KALRN: variants seen among roughly 807,000 people sequenced by gnomAD.
KALRN encodes kalirin RhoGEF kinase, also known as kalirin.
In KALRN, 70 loss-of-function variants were observed where a neutral mutation model predicts 353.7. That is an observed-to-expected ratio of 0.20 (90% CI 0.16 to 0.24). The LOEUF (loss-of-function observed/expected upper bound fraction) is 0.24. Ranked by LOEUF, KALRN falls within the 10% of genes least tolerant of loss-of-function variation. The pLI is 1.00. For missense variants in KALRN, 2,791 were observed against 3,756.7 expected, an observed-to-expected ratio of 0.74 and a Z score of 6.72; for synonymous variants, 1,391 against 1,434.8, an observed-to-expected ratio of 0.97 and a Z score of 0.69.
chr3:124,360,624 T>A (rs1281494231), intron 10 of KALRN, among the ~76,000 whole-genome samples: 1 of 152,214 alleles, frequency 6.6e-6, no homozygotes, highest in Non-Finnish European at 1.5e-5. Context: ...GGAAAGCTAT[T>A]CCAGAGGAAA....
chr3:124,175,047 A>G (rs979208196), intron 1 of KALRN, among the ~76,000 whole-genome samples: 4 of 152,176 alleles, frequency 2.6e-5, no homozygotes, highest in African/African-American at 9.6e-5. Flanking sequence ...CTTGACTTCT[A>G]TTGTCATAAA....
At chr3:124,366,792 C>T (rs912450214) in intron 10 of KALRN, among the ~76,000 whole-genome samples, 1 of 151,606 alleles carries the variant, frequency 6.6e-6, no homozygotes, top group African/African-American at 2.4e-5. Flanking sequence ...CGGGCAGAGG[C>T]GCCCCTCACC....
intron 5 of KALRN, among the ~76,000 whole-genome samples, chr3:124,286,152 CCTTTCTTTCGT>C (rs1181268202): frequency 8.0e-6 from 1 of 124,718 alleles, no homozygotes; most frequent in African/African-American, 3.0e-5. Flanking sequence ...TTCTTTCTTT[CCTTTCTTTCGT>C]CTTTCTTTCT....
intron 34 of KALRN, among the ~76,000 whole-genome samples, chr3:124,621,983 T>C (rs56414162): frequency 0.24 from 36,120 of 152,242 alleles, 4,474 homozygotes; most frequent in Middle Eastern, 0.29. Context: ...AGATATTCAA[T>C]TTCCAGTGTG....
At chr3:124,035,466 C>G (rs551915537) in intron 1 of KALRN, among the ~76,000 whole-genome samples, 2 of 152,276 alleles carry the variant, frequency 1.3e-5, no homozygotes, top group South Asian at 4.1e-4. Flanking sequence ...ATTTTCTTAG[C>G]TCTGAGGGAA....
chr3:124,227,673 T>G (rs57581383), intron 1 of KALRN, among the ~76,000 whole-genome samples: 2,254 of 22,872 alleles, frequency 0.099, 16 homozygotes, highest in East Asian at 0.47. Context: ...GTTTTTTTTT[T>G]TTTTTTTTTT....
chr3:124,577,730 G>A (rs2074251997), intron 34 of KALRN, among the ~76,000 whole-genome samples: 1 of 152,098 alleles, frequency 6.6e-6, no homozygotes, highest in South Asian at 2.1e-4. Context: ...CTATAGGCAG[G>A]TGTGGTGATG....
chr3:124,127,285 A>G (rs1425265316), intron 1 of KALRN, among the ~76,000 whole-genome samples: 3 of 152,204 alleles, frequency 2.0e-5, no homozygotes, highest in African/African-American at 7.2e-5. Flanking sequence ...GCTCCAATTT[A>G]TTCTAAATAG....
chr3:124,723,636 C>T lies in KALRN; in HGVS notation c.*4166C>T, dbSNP rs2063384707. 1 of 152,156 alleles carries T rather than the reference C, an allele frequency of 6.6e-6. No homozygotes were observed. Among genetic ancestry groups the T allele is most frequent in the Non-Finnish European group, 1.5e-5 (1 of 68,022 alleles). 9.4% of individuals were successfully genotyped at this position (152,156 alleles called of 1,614,324 possible). A position where few individuals can be genotyped will look rare whatever the true frequency, so the allele number is the denominator to read the frequency against. ...GTAAATTGTTTTCAGTTGGAAGTAT[C>T]AGGTGCTCTTTGTCTAAATGTTATT... On this transcript the variant is annotated 3_prime_UTR_variant, in exon 60 of 60. Coordinates refer to ENST00000682506, the MANE Select transcript of KALRN (RefSeq NM_001388419.1).
intron 34 of KALRN, among the ~76,000 whole-genome samples, chr3:124,618,919 C>G (rs1361694002): frequency 6.6e-6 from 1 of 152,146 alleles, no homozygotes; most frequent in Non-Finnish European, 1.5e-5. Context: ...TTCTTGCTGG[C>G]CATCACTTGA....
At chr3:124,535,228 A>T (rs1340615959) in intron 33 of KALRN, among the ~76,000 whole-genome samples, 2 of 152,176 alleles carry the variant, frequency 1.3e-5, no homozygotes, top group Non-Finnish European at 2.9e-5. Flanking sequence ...TGAATATATT[A>T]AAATATATAA....
chr3:124,620,050 T>G (rs924118657), intron 34 of KALRN, among the ~76,000 whole-genome samples: 6 of 152,160 alleles, frequency 3.9e-5, no homozygotes, highest in Non-Finnish European at 8.8e-5. Context: ...AGTCTGAATT[T>G]GTAAAGTTTC....
At chr3:124,078,589 G>T (rs989574395) in intron 1 of KALRN, among the ~76,000 whole-genome samples, 2 of 152,024 alleles carry the variant, frequency 1.3e-5, no homozygotes, top group African/African-American at 4.8e-5. Flanking sequence ...ACACTGAGGA[G>T]GATATGGGAG....
At chr3:124,685,057 C>T (rs1272741893) in intron 51 of KALRN, among the ~76,000 whole-genome samples, 1 of 152,186 alleles carries the variant, frequency 6.6e-6, no homozygotes, top group African/African-American at 2.4e-5. Flanking sequence ...GACCAACCTC[C>T]TGGCATCCCC....
intron 33 of KALRN, among the ~76,000 whole-genome samples, chr3:124,522,900 G>C (rs1577702558): frequency 6.6e-6 from 1 of 152,316 alleles, no homozygotes. Context: ...ACAGGGGTAA[G>C]TTTCAGAAGC....
chr3:124,645,488 C>T (rs2082589395), intron 37 of KALRN, among the ~76,000 whole-genome samples: 1 of 152,116 alleles, frequency 6.6e-6, no homozygotes, highest in South Asian at 2.1e-4. Flanking sequence ...TTTAATACAT[C>T]TTGAGTTAAG....
intron 1 of KALRN, among the ~76,000 whole-genome samples, chr3:124,159,415 C>A (rs2069541430): frequency 6.6e-6 from 1 of 152,056 alleles, no homozygotes; most frequent in South Asian, 2.1e-4. Flanking sequence ...GGACTATAAG[C>A]ATGTGCCACC....
At chr3:124,496,454 G>C (rs753115719) in intron 33 of KALRN, 41 bp downstream of exon 33, 2 of 1,464,352 alleles carry the variant, frequency 1.4e-6, no homozygotes, top group East Asian at 4.5e-5. Context: ...GAGACTTCTT[G>C]ATGGCTCAAC....
At chr3:124,600,695 G>T (rs1351434309) in intron 34 of KALRN, among the ~76,000 whole-genome samples, 1 of 152,046 alleles carries the variant, frequency 6.6e-6, no homozygotes, top group Non-Finnish European at 1.5e-5. Flanking sequence ...GACATTTTTA[G>T]AGTGGCATCA....
Sources: allele counts gnomAD v4.1 joint callset (sites outside exome capture counted in the v4.1 genomes callset), GRCh38; gene constraint gnomAD v4.1.1; transcripts MANE v1.5; gene names NCBI Gene and HGNC (gene_info 2026-07-23, HGNC 2026-07-21).